DENND4A: variants seen among roughly 807,000 people sequenced by gnomAD.
DENND4A encodes the protein C-myc promoter-binding protein.
In DENND4A, 70 loss-of-function variants were observed where a neutral mutation model predicts 199.3. That is an observed-to-expected ratio of 0.35 (90% CI 0.29 to 0.43). The LOEUF (loss-of-function observed/expected upper bound fraction) is 0.43, where lower values mean the gene tolerates loss of function less well. Ranked by LOEUF, DENND4A falls within the 20% of genes least tolerant of loss-of-function variation. DENND4A has a pLI of 1.00. For missense variants in DENND4A, 1,723 were observed against 2,255.8 expected (o/e 0.76, Z 4.78); for synonymous variants, 686 against 766.9 (o/e 0.89, Z 1.74).
rs780718297 is a variant in DENND4A, at chr15:65,669,846, T to G, written c.4720A>C (p.Ile1574Leu). Residue 1574 changes from isoleucine to leucine, a missense_variant, in exon 27 of 33, where the codon ATT becomes CTT. Ile to Leu is a conservative substitution (Grantham distance 5, BLOSUM62 2). Transcript: ENST00000443035. ...SISSQTRQSC[I>L]STSASGLDTS... ...TCAAGACCAGAGGCTGATGTTGAAA[T>G]GCAAGACTGCCTCGTCTGACTTGAA... is the stretch of plus-strand genomic sequence containing the variant. The G allele has an allele frequency of 1.2e-6, 2 of 1,613,784 alleles. No individual in the cohort carries two copies. Among genetic ancestry groups the G allele is most frequent in the African/African-American group, 2.7e-5 (2 of 74,924 alleles).
intron 11 of DENND4A, among the ~76,000 whole-genome samples, chr15:65,724,251 G>T (rs1300364197): frequency 1.3e-5 from 2 of 152,172 alleles, no homozygotes; most frequent in East Asian, 3.9e-4. Context: ...TAGAGATGAG[G>T]TCTTGCTTCG....
intron 2 of DENND4A, among the ~76,000 whole-genome samples, chr15:65,759,686 C>T (rs954660324): frequency 6.6e-6 from 1 of 152,120 alleles, no homozygotes. Flanking sequence ...TAAATGCTGA[C>T]TTATCACCCT....
chr15:65,686,363 A>G (rs1310569847), intron 23 of DENND4A, among the ~76,000 whole-genome samples: 1 of 152,172 alleles, frequency 6.6e-6, no homozygotes, highest in Non-Finnish European at 1.5e-5. Flanking sequence ...ATAAATGTCA[A>G]TTATATAAAA....
At chr15:65,727,064 A>G (rs2075821536) in intron 11 of DENND4A, among the ~76,000 whole-genome samples, 1 of 152,152 alleles carries the variant, frequency 6.6e-6, no homozygotes, top group African/African-American at 2.4e-5. Context: ...CTGTAATCCC[A>G]ATGCTTTGAG....
Position 65,772,040 on chromosome 15 carries a change from G to A in DENND4A, c.-101-10602C>T, listed in dbSNP as rs991796880. 9 of 1,344,046 alleles carry A rather than the reference G, an allele frequency of 6.7e-6. No individual in the cohort carries two copies. In the Admixed American group the frequency reaches 7.1e-5, roughly 11 times the overall value. The allele number at this position is 1,344,046 out of a possible 1,614,324, so 83.3% of individuals were successfully genotyped here. On this transcript the variant is annotated intron_variant, in intron 1 of 32. Transcript: ENST00000443035. ...CCAAGGGCAGTGGGTAGAGCTTCTCGGCCTTCTGCAGGAAACGCTGGGCCT... is the reference window on the plus strand; with the variant it reads ...CCAAGGGCAGTGGGTAGAGCTTCTCAGCCTTCTGCAGGAAACGCTGGGCCT...
At chr15:65,748,842 C>G (rs563087890) in intron 4 of DENND4A, among the ~76,000 whole-genome samples, 17 of 150,974 alleles carry the variant, frequency 1.1e-4, no homozygotes, top group Admixed American at 4.6e-4. Context: ...AAAAATTAGC[C>G]AGATGTGGTG....
intron 1 of DENND4A, among the ~76,000 whole-genome samples, chr15:65,769,233 A>ACT (rs1491007681): frequency 3.7e-4 from 56 of 149,772 alleles, no homozygotes; most frequent in African/African-American, 1.3e-3. Context: ...ACACACACAC[A>ACT]CTCAACTGTG....
chr15:65,680,054 T>C (rs962118195), intron 23 of DENND4A, among the ~76,000 whole-genome samples: 1 of 152,214 alleles, frequency 6.6e-6, no homozygotes, highest in Non-Finnish European at 1.5e-5. Context: ...CTTTGTGAGC[T>C]GGAGTATTTC....
chr15:65,704,631 C>T (rs1355920875), intron 15 of DENND4A, among the ~76,000 whole-genome samples: 1 of 152,186 alleles, frequency 6.6e-6, no homozygotes, highest in African/African-American at 2.4e-5. Context: ...CGTTCTGTCA[C>T]GCAGGCTGGA....
At chr15:65,783,417 T>G (rs999910746) in intron 1 of DENND4A, among the ~76,000 whole-genome samples, 1 of 152,236 alleles carries the variant, frequency 6.6e-6, no homozygotes, top group African/African-American at 2.4e-5. Flanking sequence ...TATGAACTCA[T>G]GTTTACCTCA....
intron 29 of DENND4A, among the ~76,000 whole-genome samples, chr15:65,666,696 T>C (rs1007675181): frequency 5.3e-5 from 8 of 150,696 alleles, no homozygotes; most frequent in African/African-American, 2.0e-4. Context: ...GGAGGGTCAC[T>C]TGAGCCCAGG....
chr15:65,783,594 G>A (rs1299051085), intron 1 of DENND4A, among the ~76,000 whole-genome samples: 2 of 152,060 alleles, frequency 1.3e-5, no homozygotes, highest in Admixed American at 6.6e-5. Context: ...AGGGATCCTT[G>A]GAAAAATGGC....
In DENND4A at chr15:65,777,348, T is replaced by C. The variant is rs1358601132; in HGVS notation, c.-102+14662A>G. On this transcript the variant is annotated intron_variant, in intron 1 of 32. Coordinates refer to ENST00000443035, the MANE Select transcript of DENND4A (RefSeq NM_001320835.1). The stretch of plus-strand genomic sequence containing the variant: ...GGTAAGCCAGCTTACATTTTTTAAA[T>C]TACAAACAATTTTTTTTTTTTTAAG... Among the ~76,000 whole-genome samples the C allele has an allele frequency of 3.3e-5, 5 of 152,064 alleles. No individual in the cohort carries two copies. The East Asian group carries it at 9.7e-4, about 29-fold the overall frequency.
chr15:65,667,746 T>C, intron 28 of DENND4A, 43 bp from the exon 29 acceptor site: 2 of 1,565,522 alleles, frequency 1.3e-6, no homozygotes, highest in Non-Finnish European at 1.7e-6. Context: ...TGCAAAATAA[T>C]ACTAAGCCAT....
chr15:65,665,726 G>A (rs1292952656), intron 29 of DENND4A, among the ~76,000 whole-genome samples: 1 of 152,152 alleles, frequency 6.6e-6, no homozygotes, highest in Non-Finnish European at 1.5e-5. Context: ...TGCTCCTCTT[G>A]CTCATGATTG....
At chr15:65,777,516 C>T (rs2077314569) in intron 1 of DENND4A, among the ~76,000 whole-genome samples, 1 of 151,940 alleles carries the variant, frequency 6.6e-6, no homozygotes, top group Non-Finnish European at 1.5e-5. Context: ...CCACGCCTGG[C>T]TAATTTTTGT....
At chr15:65,720,678 C>G (rs992712578) in intron 12 of DENND4A, among the ~76,000 whole-genome samples, 1 of 151,718 alleles carries the variant, frequency 6.6e-6, no homozygotes, top group African/African-American at 2.4e-5. Flanking sequence ...TCCCAAAGTG[C>G]TGGGATTACA....
intron 1 of DENND4A, among the ~76,000 whole-genome samples, chr15:65,762,117 C>T (rs2076867236): frequency 6.6e-6 from 1 of 152,140 alleles, no homozygotes; most frequent in Non-Finnish European, 1.5e-5. Context: ...AAGAGATTCT[C>T]CTGCCTCAGC....
At chr15:65,742,714 C>T (rs2076292230) in intron 4 of DENND4A, among the ~76,000 whole-genome samples, 1 of 152,210 alleles carries the variant, frequency 6.6e-6, no homozygotes, top group Non-Finnish European at 1.5e-5. Context: ...GTTGGGATTA[C>T]AGGCGTGAGC....
Sources: allele counts gnomAD v4.1 joint callset (sites outside exome capture counted in the v4.1 genomes callset), GRCh38; gene constraint gnomAD v4.1.1; transcripts MANE v1.5; gene names NCBI Gene and HGNC (gene_info 2026-07-23, HGNC 2026-07-21).